The following SRGAP3 variants were observed in gnomAD, a reference collection of about 807,000 sequenced individuals.
SRGAP3 encodes the protein SLIT-ROBO Rho GTPase activating protein 3.
In SRGAP3, 39 loss-of-function variants were observed where a neutral mutation model predicts 121.1. The observed-to-expected ratio is 0.32, with a 90% CI of 0.25 to 0.42. SRGAP3 has a LOEUF of 0.42. Ranked by LOEUF, SRGAP3 falls within the 10% of genes least tolerant of loss-of-function variation. The pLI is 1.00. For missense variants in SRGAP3, 1,213 were observed against 1,470.6 expected (o/e 0.82, Z 2.86); for synonymous variants, 601 against 570.0 (o/e 1.05, Z -0.77).
At chr3:9,132,832 T>TA (rs1050349661) in intron 1 of SRGAP3, among the ~76,000 whole-genome samples, 6 of 131,644 alleles carry the variant, frequency 4.6e-5, no homozygotes, top group Non-Finnish European at 8.7e-5. Context: ...ATTACATTTT[T>TA]AAATAGGAAA....
chr3:8,985,514 G>A lies in SRGAP3; in HGVS notation c.*5C>T, dbSNP rs780611555. ...GGGCCACGGCGGCGCGGCCCATCCT[G>A]CAGGTCACATGGTGCCCGACTTGTC... On this transcript the variant is annotated 3_prime_UTR_variant, in exon 22 of 22. Transcript: ENST00000383836. This position sits in a 1 kb window ranked among gnomAD's most constrained non-coding sequence, Gnocchi z 5.1. The A allele has an allele frequency of 6.3e-7, 1 of 1,598,744 alleles. No individual in the cohort carries two copies.
intron 1 of SRGAP3, among the ~76,000 whole-genome samples, chr3:9,353,368 G>C (rs1271207415): frequency 6.6e-6 from 1 of 152,238 alleles, no homozygotes; most frequent in Admixed American, 6.5e-5. Context: ...TGGCAGGGGT[G>C]CTGCATTCCC....
chr3:9,269,301 A>G (rs1383866717), intron 3 of SRGAP3, among the ~76,000 whole-genome samples: 1 of 152,208 alleles, frequency 6.6e-6, no homozygotes, highest in East Asian at 1.9e-4. Context: ...TCTGGAGTCC[A>G]CTAGTGGACA....
chr3:9,058,810 C>T, intron 6 of SRGAP3: 1 of 296,226 alleles, frequency 3.4e-6, no homozygotes. Context: ...ACCTCCGCCT[C>T]CCGGGTTCAA....
intron 1 of SRGAP3, among the ~76,000 whole-genome samples, chr3:9,146,511 G>A (rs1950028061): frequency 6.6e-6 from 1 of 152,212 alleles, no homozygotes; most frequent in South Asian, 2.1e-4. Context: ...AGAAGAAGTG[G>A]CCTCTAAGTG....
At chr3:9,012,709 C>T (rs898681367) in intron 17 of SRGAP3, among the ~76,000 whole-genome samples, 1 of 152,174 alleles carries the variant, frequency 6.6e-6, no homozygotes, top group African/African-American at 2.4e-5. Context: ...CACTCCCCTG[C>T]TTCCTGAGAT....
At chr3:9,205,974 A>G (rs1316904420) in intron 1 of SRGAP3, among the ~76,000 whole-genome samples, 1 of 152,112 alleles carries the variant, frequency 6.6e-6, no homozygotes, top group African/African-American at 2.4e-5. Flanking sequence ...GGGGTTGGGG[A>G]GGAGAAGGGG....
At chr3:9,134,829 G>A (rs1469060898) in intron 1 of SRGAP3, among the ~76,000 whole-genome samples, 2 of 152,292 alleles carry the variant, frequency 1.3e-5, no homozygotes, top group Admixed American at 6.5e-5. Context: ...CCTCTGAGGA[G>A]AGAAATCTCA....
intron 1 of SRGAP3, among the ~76,000 whole-genome samples, chr3:9,210,667 A>C (rs1412363298): frequency 6.6e-6 from 1 of 151,300 alleles, no homozygotes; most frequent in Non-Finnish European, 1.5e-5. Flanking sequence ...TCTTCTAAAA[A>C]TACAAAAAAT....
At chr3:9,272,417 C>A (rs1954493869) in intron 3 of SRGAP3, among the ~76,000 whole-genome samples, 1 of 152,174 alleles carries the variant, frequency 6.6e-6, no homozygotes, top group Non-Finnish European at 1.5e-5. Flanking sequence ...TCCTTCCTAC[C>A]CCAGCTCCTG....
intron 3 of SRGAP3, among the ~76,000 whole-genome samples, chr3:9,298,869 T>C (rs907638980): frequency 9.3e-5 from 14 of 151,196 alleles, no homozygotes; most frequent in African/African-American, 2.9e-4. Flanking sequence ...CTGGCCAACA[T>C]GGTGAAACCC....
chr3:9,233,487 G>A (rs1307043689), intron 1 of SRGAP3, among the ~76,000 whole-genome samples: 3 of 152,146 alleles, frequency 2.0e-5, no homozygotes, highest in African/African-American at 7.2e-5. Flanking sequence ...ATCCTGAATA[G>A]AGCTATTATA....
At chr3:9,160,979 C>CTTT (rs1418157351) in intron 1 of SRGAP3, among the ~76,000 whole-genome samples, 1 of 151,928 alleles carries the variant, frequency 6.6e-6, no homozygotes, top group African/African-American at 2.4e-5. Context: ...TAAACAAACA[C>CTTT]ATAAAGGAGA....
At chr3:9,232,377 C>A (rs1389252701) in intron 1 of SRGAP3, among the ~76,000 whole-genome samples, 2 of 152,136 alleles carry the variant, frequency 1.3e-5, no homozygotes, top group East Asian at 3.9e-4. Flanking sequence ...AAAAGGTCTT[C>A]TTTCCCCTGT....
chr3:9,046,383 G>T (rs1230705502), intron 10 of SRGAP3, among the ~76,000 whole-genome samples: 1 of 152,224 alleles, frequency 6.6e-6, no homozygotes, highest in African/African-American at 2.4e-5. Flanking sequence ...AGATGCAAAG[G>T]CCCTGGGGCA....
At position 9,248,974 on chromosome 3, in the gene SRGAP3, T is replaced by C; in HGVS notation, c.-23A>G. 2 of 1,611,164 alleles carry C rather than the reference T, an allele frequency of 1.2e-6. No individual in the cohort carries two copies. Among genetic ancestry groups the C allele is most frequent in the Non-Finnish European group, 1.7e-6 (2 of 1,177,290 alleles). On this transcript the variant is annotated 5_prime_UTR_variant, in exon 1 of 22. Coordinates refer to ENST00000383836, the MANE Select transcript of SRGAP3 (RefSeq NM_014850.4). ...CATCTTCTGACGTGGCCAAAGGAAC[T>C]GACAGGCTGTTTGATTTATTTCTCC... is the stretch of plus-strand genomic sequence containing the variant.
chr3:8,988,193 A>G (rs1048964274), intron 21 of SRGAP3, among the ~76,000 whole-genome samples: 1 of 152,078 alleles, frequency 6.6e-6, no homozygotes, highest in African/African-American at 2.4e-5. Context: ...ATTGCTTTTC[A>G]TCTCCTCCCC....
upstream of SRGAP3, among the ~76,000 whole-genome samples, chr3:9,250,053 T>A (rs973907948): frequency 6.6e-6 from 1 of 152,150 alleles, no homozygotes; most frequent in Non-Finnish European, 1.5e-5. Context: ...GCAGAGACGA[T>A]GCGAGGAGTT....
At chr3:9,012,222 C>T (rs1267378697) in intron 17 of SRGAP3, among the ~76,000 whole-genome samples, 1 of 152,198 alleles carries the variant, frequency 6.6e-6, no homozygotes, top group African/African-American at 2.4e-5. Flanking sequence ...CCCAAATATG[C>T]TCACAGTACT....
Sources: allele counts gnomAD v4.1 joint callset (sites outside exome capture counted in the v4.1 genomes callset), GRCh38; gene constraint gnomAD v4.1.1; non-coding constraint Gnocchi (gnomAD v3.1); transcripts MANE v1.5; gene names NCBI Gene and HGNC (gene_info 2026-07-23, HGNC 2026-07-21).